GFRA3: variants seen among roughly 807,000 people sequenced by gnomAD.
GFRA3 encodes GDNF family receptor alpha-3.
GFRA3 carries 24 observed loss-of-function variants against 40.0 expected under a neutral mutation model. That is an observed-to-expected ratio of 0.60 (90% CI 0.43 to 0.84). GFRA3 has a LOEUF of 0.84. Among genes scored for constraint, GFRA3 ranks in the 40% least tolerant of loss-of-function variants. The probability of loss-of-function intolerance (pLI) is 0.00; values close to 1 mark genes in which losing one functional copy is unlikely to be tolerated. For synonymous variants in GFRA3, 203 were observed against 213.5 expected (o/e 0.95, Z 0.43); for missense variants, 405 against 530.6 (o/e 0.76, Z 2.33).
chr5:138,269,672 T>C (rs879757232), intron 1 of GFRA3, among the ~76,000 whole-genome samples: 7 of 150,712 alleles, frequency 4.6e-5, no homozygotes, highest in African/African-American at 9.8e-5. Flanking sequence ...TGAAACCCCA[T>C]CTCCACTACA....
At chr5:138,264,614 T>C in intron 1 of GFRA3, 66 bp from the exon 2 acceptor site, 1 of 1,116,230 alleles carries the variant, frequency 9.0e-7, no homozygotes, top group South Asian at 1.5e-5. Flanking sequence ...TACCAAGTCA[T>C]GAGGTTGGGA....
chr5:138,271,905 T>TGTGTGTGTGTGTGTGTG (rs1468208782), intron 1 of GFRA3, among the ~76,000 whole-genome samples: 2 of 96,970 alleles, frequency 2.1e-5, no homozygotes, highest in Admixed American at 1.2e-4. Flanking sequence ...TTTTTTTTTT[T>TGTGTGTGTGTGTGTGTG]TTTTTTTTTG....
chr5:138,259,306 C>T (rs907661412), intron 3 of GFRA3, among the ~76,000 whole-genome samples: 1 of 152,246 alleles, frequency 6.6e-6, no homozygotes, highest in Non-Finnish European at 1.5e-5. Context: ...AGGGGCTCGC[C>T]TTGTGGAAAC....
In GFRA3 at chr5:138,252,818, G is replaced by A. The variant is rs889234652; in HGVS notation, c.*150C>T. ...GGTGGAGGGAATGAGGACTGGACCA[G>A]TAAGGATCTGGAGGTCATAACCCTT... On this transcript the variant is annotated 3_prime_UTR_variant, in exon 8 of 8. Coordinates refer to ENST00000274721, the MANE Select transcript of GFRA3 (RefSeq NM_001496.4). The A allele has an allele frequency of 5.7e-5, 33 of 575,938 alleles. 1 individual carries two copies. Among genetic ancestry groups the A allele is most frequent in the African/African-American group, 5.3e-4 (28 of 53,092 alleles). The allele number at this position is 575,938 out of a possible 1,614,324, so 35.7% of individuals were successfully genotyped here.
At chr5:138,259,024 C>G (rs1485062745) in intron 3 of GFRA3, among the ~76,000 whole-genome samples, 1 of 152,052 alleles carries the variant, frequency 6.6e-6, no homozygotes, top group Non-Finnish European at 1.5e-5. Context: ...GTATGTTTTT[C>G]CTCAATTAAC....
chr5:138,265,898 G>A (rs766970843), intron 1 of GFRA3, among the ~76,000 whole-genome samples: 12 of 151,886 alleles, frequency 7.9e-5, no homozygotes, highest in South Asian at 2.1e-4. Context: ...TTTTCATCAC[G>A]TTGGCCAGAC....
intron 1 of GFRA3, among the ~76,000 whole-genome samples, chr5:138,265,854 T>A (rs1475841323): frequency 6.6e-6 from 1 of 151,938 alleles, no homozygotes; most frequent in Non-Finnish European, 1.5e-5. Flanking sequence ...TGCCACCACA[T>A]CTGGTTAATT....
intron 3 of GFRA3, among the ~76,000 whole-genome samples, chr5:138,259,122 A>G (rs1755676810): frequency 6.6e-6 from 1 of 152,020 alleles, no homozygotes; most frequent in Non-Finnish European, 1.5e-5. Flanking sequence ...GCAGAGTCAC[A>G]CTCTCTTTTC....
intron 2 of GFRA3, among the ~76,000 whole-genome samples, chr5:138,262,486 T>C (rs934403702): frequency 1.5e-4 from 23 of 152,216 alleles, no homozygotes; most frequent in African/African-American, 5.1e-4. Flanking sequence ...AGGGTCTTGC[T>C]CTGTCACCCA....
chr5:138,260,960 G>A (rs1261593360), intron 2 of GFRA3, among the ~76,000 whole-genome samples: 1 of 152,146 alleles, frequency 6.6e-6, no homozygotes, highest in Non-Finnish European at 1.5e-5. Flanking sequence ...GGTTGAGGCT[G>A]CAGTGAGCTA....
rs775885855 is a variant in GFRA3 at position 138,257,711 on chromosome 5, T to G, written c.713A>C (p.Asn238Thr). 1.9e-6 allele frequency: 3 copies of G among 1,610,784 alleles called. No homozygotes were observed. The highest frequency in any genetic ancestry group is 1.7e-6 in the Non-Finnish European group (2 of 1,179,054). Residue 238 changes from asparagine to threonine, a missense_variant, in exon 4 of 8, where the codon AAC becomes ACC. Transcript: ENST00000274721. ...GERRRNTIAP[N>T]CALPPVAPNC... ...GGGGGCCACAGGCGGCAGCGCGCAGTTGGGGGCGATGGTGTTGCGCCGGCG... is the reference window on the plus strand; with the variant it reads ...GGGGGCCACAGGCGGCAGCGCGCAGGTGGGGGCGATGGTGTTGCGCCGGCG...
chr5:138,258,009 GTTC>G, intron 3 of GFRA3, 58 bp from the exon 4 acceptor site: 1 of 1,410,926 alleles, frequency 7.1e-7, no homozygotes, highest in Non-Finnish European at 1.0e-6. Context: ...TGCACCCCAG[GTTC>G]CACAGGAACC....
At chr5:138,268,676 G>A (rs1458989437) in intron 1 of GFRA3, among the ~76,000 whole-genome samples, 1 of 151,946 alleles carries the variant, frequency 6.6e-6, no homozygotes, top group Non-Finnish European at 1.5e-5. Context: ...AGATCACAAG[G>A]TCAGGAGATT....
rs1755749930 is a variant in GFRA3, at chr5:138,264,276, G to A, written c.364C>T (p.Arg122Cys). Reference sequence around the variant, plus strand: ...GGAGCCTCACCAAGGCTGCGGGCACGGTGAACGGTCCAATAGATGTCCAAG... The same window carrying A: ...GGAGCCTCACCAAGGCTGCGGGCACAGTGAACGGTCCAATAGATGTCCAAG... ...ACLDIYWTVH[R>C]ARSLGNYELD... Residue 122 changes from arginine to cysteine, a missense_variant, in exon 2 of 8, where the codon CGT (arginine) becomes TGT (cysteine). Arg to Cys is a radical substitution (Grantham distance 180). Coordinates refer to ENST00000274721, the MANE Select transcript of GFRA3 (RefSeq NM_001496.4). 6 of 1,598,520 alleles carry A rather than the reference G, an allele frequency of 3.8e-6. No individual in the cohort carries two copies. Among genetic ancestry groups the A allele is most frequent in the East Asian group, 2.3e-5 (1 of 44,392 alleles).
chr5:138,259,940 TTAC>T (rs1173356288), intron 2 of GFRA3, among the ~76,000 whole-genome samples: 4 of 152,118 alleles, frequency 2.6e-5, no homozygotes, highest in African/African-American at 9.6e-5. Flanking sequence ...ACCATCGCAC[TTAC>T]GCGATGGTGC....
rs56317441 is a variant in GFRA3, at chr5:138,265,206, CTTTTTTTTTTTTT to C, written c.92-671_92-659del. Reference sequence around the variant, plus strand: ...GTTCAAAGATAAAAATCTAGGAGAACTTTTTTTTTTTTTTTTTTTTTTTTTTTGAGACAGAGTT... The same window carrying C: ...GTTCAAAGATAAAAATCTAGGAGAACTTTTTTTTTTTTTTGAGACAGAGTT... On this transcript the variant is annotated intron_variant, in intron 1 of 7. Coordinates refer to ENST00000274721, the MANE Select transcript of GFRA3 (RefSeq NM_001496.4). 1.2e-4 allele frequency among the ~76,000 whole-genome samples: 6 copies of C among 50,586 alleles called. No individual in the cohort carries two copies. The Admixed American group carries it at 1.3e-3, about 11-fold the overall frequency. The allele number at this position is 50,586 out of a possible 152,430, so 33.2% of individuals were successfully genotyped here.
At chr5:138,262,086 A>C (rs751343362) in intron 2 of GFRA3, among the ~76,000 whole-genome samples, 22 of 152,222 alleles carry the variant, frequency 1.4e-4, no homozygotes, top group Non-Finnish European at 2.6e-4. Flanking sequence ...ATGTTTTCAG[A>C]GAGTTGTACT....
chr5:138,261,693 C>CA (rs70979598), intron 2 of GFRA3, among the ~76,000 whole-genome samples: 2,696 of 45,898 alleles, frequency 0.059, 196 homozygotes, highest in African/African-American at 0.09. Flanking sequence ...GACTCTGTCT[C>CA]AAAAAAAAAA....
intron 4 of GFRA3, among the ~76,000 whole-genome samples, chr5:138,255,117 G>T (rs2126611053): frequency 6.6e-6 from 1 of 150,930 alleles, no homozygotes; most frequent in South Asian, 2.1e-4. Context: ...AAGGAAGGAA[G>T]GAGGGAGGGA....
Sources: allele counts gnomAD v4.1 joint callset (sites outside exome capture counted in the v4.1 genomes callset), GRCh38; gene constraint gnomAD v4.1.1; transcripts MANE v1.5; gene names NCBI Gene and HGNC (gene_info 2026-07-23, HGNC 2026-07-21).